The following TPH2 variants were observed in gnomAD, a reference collection of about 807,000 sequenced individuals.
The protein encoded by TPH2 is tryptophan 5-hydroxylase 2.
In TPH2, 27 loss-of-function variants were observed where a neutral mutation model predicts 59.1. The ratio of observed to expected loss-of-function variants is 0.46; its 90% confidence interval spans 0.34 to 0.63. The LOEUF is 0.63. Ranked by LOEUF, TPH2 falls within the 30% of genes least tolerant of loss-of-function variation. TPH2 has a pLI of 0.01. For synonymous variants in TPH2, 220 were observed against 210.5 expected (o/e 1.05, Z -0.39); for missense variants, 523 against 588.3 (o/e 0.89, Z 1.15).
At chr12:72,009,820 G>A (rs1224544298) in intron 8 of TPH2, among the ~76,000 whole-genome samples, 1 of 152,164 alleles carries the variant, frequency 6.6e-6, no homozygotes, top group African/African-American at 2.4e-5. Flanking sequence ...TCAAGAACAC[G>A]ATGTAAACAT....
chr12:71,968,715 T>A (rs1243797600), intron 5 of TPH2, among the ~76,000 whole-genome samples: 1 of 152,192 alleles, frequency 6.6e-6, no homozygotes, highest in East Asian at 1.9e-4. Context: ...ACTGACCTCC[T>A]CACAATGCTG....
rs769557162 is a variant in TPH2, at chr12:72,031,649, C to T, written c.1427C>T (p.Thr476Ile). The T allele has an allele frequency of 4.3e-6, 7 of 1,613,596 alleles. No individual in the cohort carries two copies. The highest frequency in any genetic ancestry group is 1.6e-4 in the Middle Eastern group (1 of 6,062). ...VVQDLRSDLN[T>I]VCDALNKMNQ... is the part of the protein sequence containing the mutation. ...CAGGACCTTCGCAGCGACTTGAATA[C>T]AGTGTGTGATGCTTTAAACAAAATG... The change falls in exon 11 of 11, where the codon ACA (threonine) becomes ATA (isoleucine). Residue 476 changes from threonine to isoleucine, a missense_variant. Transcript: ENST00000333850.
intron 9 of TPH2, among the ~76,000 whole-genome samples, chr12:72,028,531 C>T (rs1221371688): frequency 1.3e-5 from 2 of 152,092 alleles, no homozygotes; most frequent in Admixed American, 6.6e-5. Flanking sequence ...ATGGATGTTC[C>T]TGGAACTCAG....
chr12:71,991,595 G>A (rs994266459), intron 7 of TPH2, among the ~76,000 whole-genome samples: 26 of 152,090 alleles, frequency 1.7e-4, no homozygotes, highest in Non-Finnish European at 3.1e-4. Context: ...CCACAATGGA[G>A]GTTTTCAGAT....
At chr12:71,969,956 T>C (rs1399171094) in intron 5 of TPH2, among the ~76,000 whole-genome samples, 1 of 152,194 alleles carries the variant, frequency 6.6e-6, no homozygotes, top group Admixed American at 6.5e-5. Flanking sequence ...GGCCAATTCA[T>C]ATAAAAACAC....
intron 5 of TPH2, among the ~76,000 whole-genome samples, chr12:71,956,497 T>TTCCCTCCC (rs1263249434): frequency 1.4e-4 from 1 of 7,178 alleles, no homozygotes; most frequent in Non-Finnish European, 3.5e-4. Context: ...CCCTCCTTCT[T>TTCCCTCCC]TCCCTCCCTC....
At chr12:71,987,801 G>A (rs1195099890) in intron 7 of TPH2, among the ~76,000 whole-genome samples, 5 of 152,136 alleles carry the variant, frequency 3.3e-5, no homozygotes, top group Non-Finnish European at 5.9e-5. Flanking sequence ...GCAGTGAGCC[G>A]AGATCAGGCT....
intron 7 of TPH2, among the ~76,000 whole-genome samples, chr12:71,983,609 C>T (rs370741720): frequency 1.3e-5 from 2 of 152,112 alleles, no homozygotes; most frequent in Admixed American, 6.5e-5. Context: ...CTATGCCCTC[C>T]GTCCACCTCA....
intron 4 of TPH2, among the ~76,000 whole-genome samples, chr12:71,945,776 G>A (rs146346817): frequency 1.0e-3 from 157 of 152,110 alleles, no homozygotes; most frequent in African/African-American, 3.2e-3. Flanking sequence ...TACCAACTCA[G>A]ACCAATTCAA....
intron 8 of TPH2, among the ~76,000 whole-genome samples, chr12:72,009,589 C>T (rs1873047278): frequency 6.6e-6 from 1 of 152,186 alleles, no homozygotes; most frequent in Non-Finnish European, 1.5e-5. Flanking sequence ...AGTTGGAGTG[C>T]CATTTCCAAA....
At chr12:71,955,961 T>G (rs1235641420) in intron 5 of TPH2, among the ~76,000 whole-genome samples, 3 of 152,234 alleles carry the variant, frequency 2.0e-5, no homozygotes, top group African/African-American at 7.2e-5. Context: ...TATCAAGAAT[T>G]AGGGAACAGC....
chr12:72,022,539 C>A, intron 9 of TPH2, 45 bp downstream of exon 9: 2 of 1,335,584 alleles, frequency 1.5e-6, no homozygotes, highest in Non-Finnish European at 2.2e-6. Flanking sequence ...CAAACTGGTT[C>A]AAGGTCAGGG....
intron 5 of TPH2, chr12:71,964,669 G>A: frequency 1.0e-6 from 1 of 985,370 alleles, no homozygotes; most frequent in Non-Finnish European, 1.2e-6. Flanking sequence ...GGCTAAAAAT[G>A]AGAGTCATCA....
intron 7 of TPH2, among the ~76,000 whole-genome samples, chr12:71,982,044 C>T (rs1268262830): frequency 1.6e-4 from 6 of 37,790 alleles, no homozygotes; most frequent in African/African-American, 3.8e-4. Flanking sequence ...GACAGAGTCT[C>T]ACTCTGTCAG....
intron 5 of TPH2, 48 bp downstream of exon 5, chr12:71,949,703 C>T: frequency 6.6e-7 from 1 of 1,511,548 alleles, no homozygotes; most frequent in South Asian, 1.1e-5. Flanking sequence ...TTAGGAAAAA[C>T]ACATGCTGTG....
chr12:71,946,172 A>G (rs1378449449), intron 4 of TPH2, among the ~76,000 whole-genome samples: 6 of 152,146 alleles, frequency 3.9e-5, no homozygotes, highest in African/African-American at 1.4e-4. Context: ...ACTGACCTCA[A>G]AGGGGTGTTT....
chr12:71,983,972 G>A (rs1872360982), intron 7 of TPH2, among the ~76,000 whole-genome samples: 1 of 152,272 alleles, frequency 6.6e-6, no homozygotes, highest in South Asian at 2.1e-4. Context: ...GGCCATATGG[G>A]TGTGGTGTTC....
At chr12:72,027,120 T>C (rs1873592688) in intron 9 of TPH2, among the ~76,000 whole-genome samples, 1 of 151,904 alleles carries the variant, frequency 6.6e-6, no homozygotes, top group African/African-American at 2.4e-5. Context: ...GGTTTGCATA[T>C]AGAATAGTCG....
intron 5 of TPH2, among the ~76,000 whole-genome samples, chr12:71,951,163 C>A (rs1481667699): frequency 1.3e-5 from 2 of 152,152 alleles, no homozygotes; most frequent in Non-Finnish European, 2.9e-5. Context: ...CTCAGTACCA[C>A]CCCCGCTAGC....
Sources: allele counts gnomAD v4.1 joint callset (sites outside exome capture counted in the v4.1 genomes callset), GRCh38; gene constraint gnomAD v4.1.1; transcripts MANE v1.5; gene names NCBI Gene and HGNC (gene_info 2026-07-23, HGNC 2026-07-21).